The following TOMM22 variants were observed in gnomAD, a reference collection of about 807,000 sequenced individuals.
The protein encoded by TOMM22 is mitochondrial import receptor subunit TOM22 homolog.
In TOMM22, 3 loss-of-function variants were observed where a neutral mutation model predicts 17.1. The observed-to-expected ratio is 0.18, with a 90% CI of 0.08 to 0.45. The LOEUF (loss-of-function observed/expected upper bound fraction) is 0.45, where lower values mean the gene tolerates loss of function less well. TOMM22 is among the 20% of genes least tolerant of loss of function. TOMM22 has a pLI of 0.99. For synonymous variants in TOMM22, 91 were observed against 74.0 expected (o/e 1.23, Z -1.18); for missense variants, 159 against 179.5 (o/e 0.89, Z 0.65).
At chr22:38,683,098 AAC>A (rs2092484234) in intron 3 of TOMM22, 102 bp downstream of exon 3, 1 of 566,542 alleles carries the variant, frequency 1.8e-6, no homozygotes, top group East Asian at 7.5e-5. Context: ...GGTTTCATGG[AAC>A]ACAGTTTTTA....
chr22:38,684,205 T>G lies in TOMM22; in HGVS notation c.*364T>G, dbSNP rs537778769. ...GCCCCTGACCATTAACGACTGTTTT[T>G]TTTTTTTTTTTTTAAAGAATGGAGT... is the stretch of plus-strand genomic sequence containing the variant. On this transcript the variant is annotated 3_prime_UTR_variant, in exon 4 of 4. Coordinates refer to ENST00000216034, the MANE Select transcript of TOMM22 (RefSeq NM_020243.5). 26 of 194,324 alleles carry G rather than the reference T, an allele frequency of 1.3e-4. No individual in the cohort carries two copies. The highest frequency in any genetic ancestry group is 9.6e-4 in the Admixed American group (18 of 18,666). The allele number at this position is 194,324 out of a possible 1,614,324, so 12.0% of individuals were successfully genotyped here.
In TOMM22 at chr22:38,681,975, A is replaced by C; in HGVS notation, c.-4A>C. 1 of 1,612,118 alleles carries C rather than the reference A, an allele frequency of 6.2e-7. No homozygotes were observed. Among genetic ancestry groups the C allele is most frequent in the East Asian group, 2.2e-5 (1 of 44,854 alleles). On this transcript the variant is annotated 5_prime_UTR_variant, in exon 1 of 4. Coordinates refer to ENST00000216034, the MANE Select transcript of TOMM22 (RefSeq NM_020243.5). ...CCTTTCCGCTTCCGGTGTCCCCTAC[A>C]GTCATGGCTGCCGCCGTCGCTGCTG...
intron 2 of TOMM22, 109 bp from the exon 3 acceptor site, chr22:38,682,770 T>A (rs2092483024): frequency 2.1e-6 from 2 of 943,596 alleles, no homozygotes; most frequent in African/African-American, 3.2e-5. Flanking sequence ...TAGAATACGT[T>A]TATCAAAAAC....
At chr22:38,682,211 G>T in intron 1 of TOMM22, 112 bp from the exon 2 acceptor site, 1 of 1,487,636 alleles carries the variant, frequency 6.7e-7, no homozygotes, top group South Asian at 1.2e-5. Context: ...TAGGGGCCCT[G>T]CTGGGCCCTG....
At chr22:38,683,044 T>C (rs1271485439) in intron 3 of TOMM22, 48 bp downstream of exon 3, 1 of 1,476,956 alleles carries the variant, frequency 6.8e-7, no homozygotes, top group Admixed American at 1.7e-5. Context: ...ACGCAAGTTA[T>C]TTCACTAACA....
chr22:38,683,007 A>C lies in TOMM22; in HGVS notation c.354+11A>C. 1 of 1,611,166 alleles carries C rather than the reference A, an allele frequency of 6.2e-7. No homozygotes were observed. Among genetic ancestry groups the C allele is most frequent in the Non-Finnish European group, 8.5e-7 (1 of 1,177,744 alleles). ...CTGCAGCAGCGGCAGGTGAGCCCAGACCTTGGGCTTTTTGCCAGTGGTGGA... is the reference window on the plus strand; with the variant it reads ...CTGCAGCAGCGGCAGGTGAGCCCAGCCCTTGGGCTTTTTGCCAGTGGTGGA... On this transcript the variant is annotated intron_variant, in intron 3 of 3. Transcript: ENST00000216034.
At position 38,685,123 on chromosome 22, in the gene TOMM22, A is replaced by G. The variant is rs1209672756; in HGVS notation, c.*1282A>G. ...TGTGTTTATCAGATCAACCAACACT[A>G]CAATCTAGGTGGTACTGTTCCCATT... On this transcript the variant is annotated 3_prime_UTR_variant, in exon 4 of 4. Coordinates refer to ENST00000216034, the MANE Select transcript of TOMM22 (RefSeq NM_020243.5). 1 of 152,168 alleles carries G rather than the reference A, an allele frequency of 6.6e-6. No homozygotes were observed. The highest frequency in any genetic ancestry group is 1.5e-5 in the Non-Finnish European group (1 of 68,032). 9.4% of individuals were successfully genotyped at this position (152,168 alleles called of 1,614,324 possible).
At position 38,682,008 on chromosome 22, in the gene TOMM22, A is replaced by T. The variant is rs1242880678; in HGVS notation, c.30A>T (p.Ala10=). 3.1e-6 allele frequency: 5 copies of T among 1,611,870 alleles called. No individual in the cohort carries two copies. Among genetic ancestry groups the T allele is most frequent in the Middle Eastern group, 1.7e-4 (1 of 6,056 alleles). MAAAVAAAG[A]GEPQSPDELL... is the part of the protein sequence containing the mutation. ...CTGCCGCCGTCGCTGCTGCCGGTGCAGGGGAACCCCAGTCCCCGGACGAAT... is the reference window on the plus strand; with the variant it reads ...CTGCCGCCGTCGCTGCTGCCGGTGCTGGGGAACCCCAGTCCCCGGACGAAT... Residue 10 remains alanine (A), a synonymous_variant, in exon 1 of 4, where the codon GCA becomes GCT. Transcript: ENST00000216034.
Position 38,684,033 on chromosome 22 carries a change from C to A in TOMM22, c.*192C>A. 3.6e-6 allele frequency: 2 copies of A among 558,718 alleles called. No homozygotes were observed. The highest frequency in any genetic ancestry group is 2.8e-5 in the East Asian group (1 of 35,758). 34.6% of individuals were successfully genotyped at this position (558,718 alleles called of 1,614,324 possible). A position where few individuals can be genotyped will look rare whatever the true frequency, so the allele number is the denominator to read the frequency against. On this transcript the variant is annotated 3_prime_UTR_variant, in exon 4 of 4. Transcript: ENST00000216034. ...AACTGTGCCCTCCACACTATCCTTACTTCTGTCTCCACTCTGATACCAGAG... is the reference window on the plus strand; with the variant it reads ...AACTGTGCCCTCCACACTATCCTTAATTCTGTCTCCACTCTGATACCAGAG...
Position 38,683,968 on chromosome 22 carries a change from G to T in TOMM22, c.*127G>T. 4.1e-6 allele frequency: 3 copies of T among 729,374 alleles called. No homozygotes were observed. The highest frequency in any genetic ancestry group is 4.6e-6 in the Non-Finnish European group (2 of 438,832). 45.2% of individuals were successfully genotyped at this position (729,374 alleles called of 1,614,324 possible). On this transcript the variant is annotated 3_prime_UTR_variant, in exon 4 of 4. Coordinates refer to ENST00000216034, the MANE Select transcript of TOMM22 (RefSeq NM_020243.5). ...TTGATCTATCTAAACCTGGTGGGGAGAATTATCCCCACATTGTCTCATGGA... is the reference window on the plus strand; with the variant it reads ...TTGATCTATCTAAACCTGGTGGGGATAATTATCCCCACATTGTCTCATGGA...
At chr22:38,683,488 C>T (rs1012148699) in intron 3 of TOMM22, among the ~76,000 whole-genome samples, 2 of 152,362 alleles carry the variant, frequency 1.3e-5, no homozygotes, top group South Asian at 2.1e-4. Context: ...GATGAAGCTT[C>T]TCTCACTTGC....
intron 2 of TOMM22, 37 bp from the exon 3 acceptor site, chr22:38,682,842 G>A: frequency 6.3e-7 from 1 of 1,586,724 alleles, no homozygotes; most frequent in Non-Finnish European, 8.6e-7. Context: ...TTGTTTGCAT[G>A]TCTTCATGCT....
At position 38,682,813 on chromosome 22, in the gene TOMM22, T is replaced by C. The variant is rs972753510; in HGVS notation, c.237-66T>C. On this transcript the variant is annotated intron_variant, in intron 2 of 3. Coordinates refer to ENST00000216034, the MANE Select transcript of TOMM22 (RefSeq NM_020243.5). ...TATGTAATGTGAGAGGTTTGGTTAC[T>C]GGGTAGTTCTTGCCTGTTTTGTTTG... 3.7e-6 allele frequency: 5 copies of C among 1,352,436 alleles called. No individual in the cohort carries two copies. The Admixed American group carries it at 6.8e-5, about 18-fold the overall frequency. 83.8% of individuals were successfully genotyped at this position (1,352,436 alleles called of 1,614,324 possible).
intron 2 of TOMM22, among the ~76,000 whole-genome samples, 179 bp downstream of exon 2, chr22:38,682,620 T>C (rs1370381334): frequency 1.3e-5 from 2 of 151,542 alleles, no homozygotes; most frequent in African/African-American, 2.4e-5. Flanking sequence ...GTTGTGGGGG[T>C]TATTTCAGAT....
At chr22:38,682,584 A>C in intron 2 of TOMM22, 143 bp downstream of exon 2, 1 of 751,060 alleles carries the variant, frequency 1.3e-6, no homozygotes, top group Non-Finnish European at 2.2e-6. Flanking sequence ...TCTTCTGTAA[A>C]ATGGGGATTC....
At chr22:38,682,762 G>C in intron 2 of TOMM22, 117 bp from the exon 3 acceptor site, 2 of 877,134 alleles carry the variant, frequency 2.3e-6, no homozygotes, top group Non-Finnish European at 3.8e-6. Context: ...GGAGCGGGTA[G>C]AATACGTTTA....
rs995821161 is a variant in TOMM22 at position 38,685,181 on chromosome 22, T to C, written c.*1340T>C. 11 of 152,224 alleles carry C rather than the reference T, an allele frequency of 7.2e-5. No individual in the cohort carries two copies. Among genetic ancestry groups the C allele is most frequent in the Admixed American group, 3.9e-4 (6 of 15,280 alleles). 9.4% of individuals were successfully genotyped at this position (152,224 alleles called of 1,614,324 possible). A position where few individuals can be genotyped will look rare whatever the true frequency, so the allele number is the denominator to read the frequency against. ...AGAGGAAACAGCCACAGAAAGGTAA[T>C]TGCTCAAGGCTGCAGAGTTAAGTGC... On this transcript the variant is annotated 3_prime_UTR_variant, in exon 4 of 4. Coordinates refer to ENST00000216034, the MANE Select transcript of TOMM22 (RefSeq NM_020243.5).
At position 38,683,854 on chromosome 22, in the gene TOMM22, G is replaced by C. The variant is rs371809288; in HGVS notation, c.*13G>C. On this transcript the variant is annotated 3_prime_UTR_variant, in exon 4 of 4. Transcript: ENST00000216034. The stretch of plus-strand genomic sequence containing the variant: ...TGGAAAGATCTAGATTGTTATTGCT[G>C]TTTGAGCTGTCTCAGTGGGATAAGT... The C allele has an allele frequency of 1.2e-5, 20 of 1,611,714 alleles. No individual in the cohort carries two copies. Among genetic ancestry groups the C allele is most frequent in the Non-Finnish European group, 1.6e-5 (19 of 1,178,218 alleles).
At position 38,684,007 on chromosome 22, in the gene TOMM22, C is replaced by A; in HGVS notation, c.*166C>A. The A allele has an allele frequency of 1.6e-6, 1 of 608,174 alleles. No homozygotes were observed. The highest frequency in any genetic ancestry group is 4.4e-4 in the Middle Eastern group (1 of 2,260). The allele number at this position is 608,174 out of a possible 1,614,324, so 37.7% of individuals were successfully genotyped here. A position where few individuals can be genotyped will look rare whatever the true frequency, so the allele number is the denominator to read the frequency against. On this transcript the variant is annotated 3_prime_UTR_variant, in exon 4 of 4. Coordinates refer to ENST00000216034, the MANE Select transcript of TOMM22 (RefSeq NM_020243.5). ...TTGTCTCATGGAAAGACTCAACTTG[C>A]AACTGTGCCCTCCACACTATCCTTA...
Sources: allele counts gnomAD v4.1 joint callset (sites outside exome capture counted in the v4.1 genomes callset), GRCh38; gene constraint gnomAD v4.1.1; transcripts MANE v1.5; gene names NCBI Gene and HGNC (gene_info 2026-07-23, HGNC 2026-07-21).